The following STAB2 variants were observed in gnomAD, a reference collection of about 807,000 sequenced individuals.
The protein encoded by STAB2 is stabilin 2, also known as stabilin-2.
STAB2 carries 288 observed loss-of-function variants against 338.1 expected under a neutral mutation model. The observed-to-expected ratio is 0.85, with a 90% CI of 0.77 to 0.94. STAB2 has a LOEUF of 0.94. Among genes scored for constraint, STAB2 ranks in the 40% least tolerant of loss-of-function variants. The probability of loss-of-function intolerance (pLI) is 0.00; values close to 1 mark genes in which losing one functional copy is unlikely to be tolerated. For synonymous variants in STAB2, 1,202 were observed against 1,193.3 expected, an observed-to-expected ratio of 1.01 and a Z score of -0.15; for missense variants, 3,141 against 3,210.1, an observed-to-expected ratio of 0.98 and a Z score of 0.52.
In STAB2 at chr12:103,672,908, T is replaced by C. The variant is rs535513961; in HGVS notation, c.2372-999T>C. On this transcript the variant is annotated intron_variant, in intron 22 of 68. Transcript: ENST00000388887. Reference sequence around the variant, plus strand: ...AATGGACTTTGAATCCTGGTTTAAGTTTCTGCCTGGGAATTTAGCAGCAAG... The same window carrying C: ...AATGGACTTTGAATCCTGGTTTAAGCTTCTGCCTGGGAATTTAGCAGCAAG... Among the ~76,000 whole-genome samples the C allele has an allele frequency of 8.5e-4, 130 of 152,312 alleles. 2 individuals are homozygous for C. The highest frequency in any genetic ancestry group is 3.1e-3 in the African/African-American group (130 of 41,572).
In STAB2 at chr12:103,730,265, ACT is replaced by A. The variant is rs757117654; in HGVS notation, c.5223+14_5223+15del. 27 of 1,612,902 alleles carry A rather than the reference ACT, an allele frequency of 1.7e-5. No homozygotes were observed. In the African/African-American group the frequency reaches 2.5e-4, roughly 15 times the overall value. On this transcript the variant is annotated intron_variant, in intron 49 of 68. Transcript: ENST00000388887. The stretch of plus-strand genomic sequence containing the variant: ...ACTCTGGAAGAATTCTGGTAGGTAA[ACT>A]CTCTGTTATGTTTTCAGCCTGGAGT...
intron 3 of STAB2, among the ~76,000 whole-genome samples, chr12:103,613,658 G>T (rs577414608): frequency 2.0e-5 from 3 of 152,120 alleles, no homozygotes; most frequent in African/African-American, 7.2e-5. Context: ...GCCTCGCCCT[G>T]CTTCAGCTCA....
intron 67 of STAB2, 124 bp from the exon 68 acceptor site, chr12:103,763,368 C>T: frequency 1.4e-6 from 1 of 722,102 alleles, no homozygotes; most frequent in Non-Finnish European, 2.4e-6. Context: ...CATCTCTCAA[C>T]AAAGTACTGT....
chr12:103,734,796 A>G (rs1158902436), intron 51 of STAB2, among the ~76,000 whole-genome samples: 2 of 152,100 alleles, frequency 1.3e-5, no homozygotes, highest in Non-Finnish European at 2.9e-5. Flanking sequence ...GGAGCTGGCA[A>G]GGTTGTTCCT....
chr12:103,598,342 A>G (rs1956907537), intron 3 of STAB2, among the ~76,000 whole-genome samples: 1 of 152,192 alleles, frequency 6.6e-6, no homozygotes, highest in Non-Finnish European at 1.5e-5. Flanking sequence ...TCTTCCTTTA[A>G]AGAAATAGAC....
intron 53 of STAB2, among the ~76,000 whole-genome samples, chr12:103,738,118 T>C (rs1566062701): frequency 6.6e-6 from 1 of 152,170 alleles, no homozygotes; most frequent in Non-Finnish European, 1.5e-5. Context: ...ACTCATGCAT[T>C]CAACAAATAT....
intron 3 of STAB2, among the ~76,000 whole-genome samples, chr12:103,609,619 CAT>C (rs1957089267): frequency 6.6e-6 from 1 of 152,110 alleles, no homozygotes; most frequent in South Asian, 2.1e-4. Context: ...GATATACAAT[CAT>C]GTCATCTGCA....
chr12:103,727,387 C>T (rs375329241), intron 47 of STAB2, 37 bp downstream of exon 47: 37 of 1,606,950 alleles, frequency 2.3e-5, no homozygotes, highest in Admixed American at 8.3e-5. Flanking sequence ...GGGAGGTCTG[C>T]GGCTGGAACA....
chr12:103,755,749 G>C (rs1884056808), intron 63 of STAB2, 31 bp downstream of exon 63: 1 of 1,609,742 alleles, frequency 6.2e-7, no homozygotes, highest in African/African-American at 1.3e-5. Context: ...GTTTGCCTCA[G>C]GCAGGGAGGG....
At chr12:103,677,071 G>T (rs1566006659) in intron 24 of STAB2, among the ~76,000 whole-genome samples, 1 of 152,150 alleles carries the variant, frequency 6.6e-6, no homozygotes, top group Non-Finnish European at 1.5e-5. Flanking sequence ...TGGAGTTTGG[G>T]TTGCCACATT....
chr12:103,693,662 A>G (rs1235908675), intron 31 of STAB2, among the ~76,000 whole-genome samples: 1 of 152,218 alleles, frequency 6.6e-6, no homozygotes, highest in African/African-American at 2.4e-5. Context: ...ATTTTCTTCT[A>G]ATACCCAGTA....
At position 103,737,833 on chromosome 12, in the gene STAB2, C is replaced by T. The variant is rs2139109061; in HGVS notation, c.5697+53C>T. 2.5e-6 allele frequency: 4 copies of T among 1,607,234 alleles called. No individual in the cohort carries two copies. In the Middle Eastern group the frequency reaches 5.8e-4, roughly 231 times the overall value. On this transcript the variant is annotated intron_variant, in intron 53 of 68. Transcript: ENST00000388887. ...AGAGAACCTTAAGCCAAAGAATGGCCCTCATGATCCAGTGTGGACCCTGTT... is the reference window on the plus strand; with the variant it reads ...AGAGAACCTTAAGCCAAAGAATGGCTCTCATGATCCAGTGTGGACCCTGTT...
chr12:103,590,539 T>G (rs1956779863), intron 1 of STAB2, among the ~76,000 whole-genome samples: 1 of 152,220 alleles, frequency 6.6e-6, no homozygotes, highest in African/African-American at 2.4e-5. Flanking sequence ...TTTACAAATT[T>G]TTCACTTGAG....
chr12:103,679,879 T>A (rs1024601566), intron 25 of STAB2, among the ~76,000 whole-genome samples: 6 of 152,214 alleles, frequency 3.9e-5, no homozygotes, highest in East Asian at 1.9e-4. Context: ...CACAACCCAA[T>A]GGCCATTGGC....
chr12:103,695,912 C>T (rs1878364552), intron 33 of STAB2, 68 bp downstream of exon 33: 2 of 1,466,700 alleles, frequency 1.4e-6, no homozygotes, highest in East Asian at 2.3e-5. Flanking sequence ...GTTTGTAATC[C>T]ATTAGTTGTG....
chr12:103,644,234 C>G (rs1169650269), intron 9 of STAB2, among the ~76,000 whole-genome samples: 29 of 145,918 alleles, frequency 2.0e-4, no homozygotes, highest in Non-Finnish European at 3.3e-4. Context: ...GACCCTACCC[C>G]CAACCCTGTG....
At chr12:103,706,092 A>G (rs1879325765) in intron 37 of STAB2, among the ~76,000 whole-genome samples, 1 of 152,164 alleles carries the variant, frequency 6.6e-6, no homozygotes, top group African/African-American at 2.4e-5. Context: ...TCATTTAGAA[A>G]ACAGGACCCC....
chr12:103,632,813 G>A (rs1957484326), intron 6 of STAB2, among the ~76,000 whole-genome samples: 1 of 152,226 alleles, frequency 6.6e-6, no homozygotes, highest in Non-Finnish European at 1.5e-5. Context: ...ATCGACCTGT[G>A]AAGGAGAAAC....
chr12:103,711,502 C>T lies in STAB2; in HGVS notation c.4320C>T (p.Cys1440=). ...ATTEDNCNGT[C]HTSANCLTNS... is the part of the protein sequence containing the mutation. ...CAGAAGACAACTGCAATGGGACATG[C>T]CATACCAGCGCCAAGTAGGTAGCCC... Residue 1440 remains cysteine (C), a synonymous_variant, in exon 40 of 69, where the codon TGC becomes TGT. Transcript: ENST00000388887. 6.2e-7 allele frequency: 1 copy of T among 1,614,098 alleles called. No individual in the cohort carries two copies. The highest frequency in any genetic ancestry group is 8.5e-7 in the Non-Finnish European group (1 of 1,180,020).
Sources: gnomAD v4.1 joint callset for allele counts (sites outside exome capture counted in the v4.1 genomes callset) on GRCh38, gnomAD v4.1.1 for gene constraint, MANE v1.5 for transcripts, NCBI Gene and HGNC (gene_info 2026-07-23, HGNC 2026-07-21) for gene names.